The following RBFOX1 variants were observed in gnomAD, a reference collection of about 807,000 sequenced individuals.
RBFOX1 encodes RNA binding fox-1 homolog 1, also known as RNA binding protein fox-1 homolog 1.
Under a neutral mutation model 57.7 loss-of-function variants are expected in RBFOX1, and 8 were observed. The observed-to-expected ratio is 0.14, with a 90% CI of 0.08 to 0.25. The LOEUF (loss-of-function observed/expected upper bound fraction) is 0.25. RBFOX1 is among the 10% of genes least tolerant of loss of function. The probability of loss-of-function intolerance (pLI) is 1.00; values close to 1 mark genes in which losing one functional copy is unlikely to be tolerated. For synonymous variants in RBFOX1, 326 were observed against 222.4 expected (o/e 1.47, Z -4.15); for missense variants, 611 against 548.5 (o/e 1.11, Z -1.14).
intron 4 of RBFOX1, among the ~76,000 whole-genome samples, chr16:7,319,045 G>A (rs1321420273): frequency 6.6e-6 from 1 of 152,106 alleles, no homozygotes; most frequent in African/African-American, 2.4e-5. Flanking sequence ...GGTTAAGGCA[G>A]GCTAACTCCA....
rs182711922 is a variant in RBFOX1, at chr16:7,240,001, C to G, written c.27+187903C>G. ...CGATTATTTGAGACTGAGCCTAGCT[C>G]TGTCGCCCAGGCTGGAGTGCAATGC... On this transcript the variant is annotated intron_variant, in intron 4 of 15. Coordinates refer to ENST00000550418, the MANE Select transcript of RBFOX1 (RefSeq NM_018723.4). Among the ~76,000 whole-genome samples the G allele has an allele frequency of 1.2e-3, 184 of 152,248 alleles. 1 individual carries two copies. Among genetic ancestry groups the G allele is most frequent in the African/African-American group, 4.4e-3 (181 of 41,546 alleles).
At chr16:5,749,337 A>G (rs1414728696) in intron 3 of RBFOX1, among the ~76,000 whole-genome samples, 1 of 151,824 alleles carries the variant, frequency 6.6e-6, no homozygotes, top group East Asian at 1.9e-4. Flanking sequence ...CTGACAATTT[A>G]TTTGTCTTGG....
intron 4 of RBFOX1, among the ~76,000 whole-genome samples, chr16:7,103,164 G>T (rs2062988676): frequency 6.6e-6 from 1 of 152,018 alleles, no homozygotes; most frequent in African/African-American, 2.4e-5. Context: ...TCCATTTGAG[G>T]ATTTGCACAT....
At chr16:6,986,940 C>T (rs988051081) in intron 3 of RBFOX1, among the ~76,000 whole-genome samples, 1 of 152,166 alleles carries the variant, frequency 6.6e-6, no homozygotes, top group African/African-American at 2.4e-5. Flanking sequence ...CCTGCCCACC[C>T]CGCCTGCATT....
At chr16:6,638,943 G>A (rs1447063882) in intron 2 of RBFOX1, among the ~76,000 whole-genome samples, 1 of 152,064 alleles carries the variant, frequency 6.6e-6, no homozygotes, top group African/African-American at 2.4e-5. Context: ...AAGGTCACAG[G>A]GACAGAAAAT....
At chr16:6,720,317 C>T (rs964629201) in intron 3 of RBFOX1, among the ~76,000 whole-genome samples, 2 of 152,146 alleles carry the variant, frequency 1.3e-5, no homozygotes, top group East Asian at 1.9e-4. Flanking sequence ...GACATGCCAG[C>T]TTCCCTTTTG....
At chr16:6,709,747 G>A (rs963948353) in intron 3 of RBFOX1, among the ~76,000 whole-genome samples, 1 of 152,010 alleles carries the variant, frequency 6.6e-6, no homozygotes, top group Non-Finnish European at 1.5e-5. Flanking sequence ...CTTAAGTGTG[G>A]GTTTGATTCC....
intron 3 of RBFOX1, among the ~76,000 whole-genome samples, chr16:7,050,031 C>G (rs1420180321): frequency 2.6e-5 from 4 of 152,156 alleles, no homozygotes; most frequent in Non-Finnish European, 5.9e-5. Context: ...ACCCAGTCCT[C>G]TGGCAACATT....
intron 3 of RBFOX1, among the ~76,000 whole-genome samples, chr16:6,951,510 T>G (rs1249066154): frequency 2.0e-5 from 3 of 152,170 alleles, no homozygotes; most frequent in African/African-American, 7.2e-5. Context: ...TACTCATAAG[T>G]CTGGCCTGGG....
At chr16:7,302,211 T>C (rs1028440215) in intron 4 of RBFOX1, among the ~76,000 whole-genome samples, 1 of 152,072 alleles carries the variant, frequency 6.6e-6, no homozygotes, top group South Asian at 2.1e-4. Flanking sequence ...TTTTGCAAGA[T>C]GAAAAGTGGA....
intron 4 of RBFOX1, among the ~76,000 whole-genome samples, chr16:7,235,030 C>T (rs549777602): frequency 1.4e-4 from 22 of 152,010 alleles, no homozygotes; most frequent in Non-Finnish European, 1.9e-4. Flanking sequence ...CAAGGCAAGT[C>T]GAAGTGCTAT....
chr16:6,778,801 T>C (rs2079829056), intron 3 of RBFOX1, among the ~76,000 whole-genome samples: 1 of 152,048 alleles, frequency 6.6e-6, no homozygotes, highest in African/African-American at 2.4e-5. Context: ...TTATAAATTA[T>C]TGATTGAACC....
intron 3 of RBFOX1, among the ~76,000 whole-genome samples, chr16:5,636,764 A>G (rs535042037): frequency 1.3e-5 from 2 of 152,294 alleles, no homozygotes; most frequent in South Asian, 2.1e-4. Flanking sequence ...TTCCAGAGCT[A>G]TTCTTGCTTG....
chr16:7,382,985 G>A (rs1016968404), intron 4 of RBFOX1, among the ~76,000 whole-genome samples: 4 of 152,136 alleles, frequency 2.6e-5, no homozygotes. Flanking sequence ...TAGCCAATGA[G>A]CTGTTCATTA....
At chr16:6,909,038 A>G (rs1225061659) in intron 3 of RBFOX1, among the ~76,000 whole-genome samples, 4 of 152,144 alleles carry the variant, frequency 2.6e-5, no homozygotes, top group African/African-American at 9.7e-5. Flanking sequence ...TATTGTTGCT[A>G]TAACTAAATG....
At chr16:6,160,304 ATTG>A (rs1469433319) in intron 1 of RBFOX1, among the ~76,000 whole-genome samples, 1 of 152,160 alleles carries the variant, frequency 6.6e-6, no homozygotes, top group Non-Finnish European at 1.5e-5. Context: ...GCAACATGAT[ATTG>A]TAGGATATAT....
intron 2 of RBFOX1, among the ~76,000 whole-genome samples, chr16:6,625,812 G>A (rs1303080172): frequency 6.6e-6 from 1 of 152,168 alleles, no homozygotes; most frequent in South Asian, 2.1e-4. Context: ...ATGATTATCA[G>A]CTAATTTAAT....
intron 2 of RBFOX1, among the ~76,000 whole-genome samples, chr16:5,596,993 C>A (rs2047203648): frequency 6.6e-6 from 1 of 152,166 alleles, no homozygotes; most frequent in South Asian, 2.1e-4. Context: ...CAGATTTTTC[C>A]ATGACCAATG....
chr16:7,453,163 C>T (rs1204640378), intron 4 of RBFOX1, among the ~76,000 whole-genome samples: 3 of 149,054 alleles, frequency 2.0e-5, no homozygotes, highest in Non-Finnish European at 4.4e-5. Context: ...AATCATGATA[C>T]ATGCTACATT....
Sources: allele counts gnomAD v4.1 joint callset (sites outside exome capture counted in the v4.1 genomes callset), GRCh38; gene constraint gnomAD v4.1.1; transcripts MANE v1.5; gene names NCBI Gene and HGNC (gene_info 2026-07-23, HGNC 2026-07-21).